FARS2: variants seen among roughly 807,000 people sequenced by gnomAD.
The protein encoded by FARS2 is phenylalanyl-tRNA synthetase 2, mitochondrial.
In FARS2, 40 loss-of-function variants were observed where a neutral mutation model predicts 46.4. That is an observed-to-expected ratio of 0.86 (90% CI 0.67 to 1.12). FARS2 has a LOEUF of 1.12. Ranked by LOEUF, FARS2 falls within the 50% of genes most tolerant of loss-of-function variation. The pLI, the probability that FARS2 is intolerant of heterozygous loss-of-function variation, is 0.00. For missense variants in FARS2, 513 were observed against 567.9 expected (o/e 0.90, Z 0.98); for synonymous variants, 234 against 214.9 (o/e 1.09, Z -0.78).
At chr6:5,459,743 G>GC (rs1765130233) in intron 4 of FARS2, among the ~76,000 whole-genome samples, 1 of 152,272 alleles carries the variant, frequency 6.6e-6, no homozygotes, top group Non-Finnish European at 1.5e-5. Flanking sequence ...TTAGTGCCAA[G>GC]CCCCAGCAGT....
At chr6:5,562,853 G>A (rs1364173874) in intron 5 of FARS2, among the ~76,000 whole-genome samples, 1 of 149,678 alleles carries the variant, frequency 6.7e-6, no homozygotes. Flanking sequence ...GCCCAGGCCG[G>A]AGTGCAATGG....
chr6:5,674,193 TAAAA>T (rs71540878), intron 6 of FARS2, among the ~76,000 whole-genome samples: 14 of 76,354 alleles, frequency 1.8e-4, no homozygotes, highest in Non-Finnish European at 2.5e-4. Flanking sequence ...GCATTCTCAT[TAAAA>T]AAAAAAAAAA....
intron 6 of FARS2, among the ~76,000 whole-genome samples, chr6:5,740,514 A>C (rs1169199326): frequency 1.3e-5 from 2 of 150,940 alleles, no homozygotes; most frequent in Non-Finnish European, 3.0e-5. Context: ...TTTTTTTTTC[A>C]AAAAAGCAAA....
intron 6 of FARS2, among the ~76,000 whole-genome samples, chr6:5,621,596 G>C (rs182214223): frequency 6.6e-6 from 1 of 152,242 alleles, no homozygotes; most frequent in East Asian, 1.9e-4. Context: ...CTTCAGTCTG[G>C]GAAAGTTTAC....
intron 1 of FARS2, among the ~76,000 whole-genome samples, chr6:5,327,865 T>C (rs549825967): frequency 1.2e-4 from 18 of 152,320 alleles, no homozygotes; most frequent in African/African-American, 4.3e-4. Context: ...AGCTTAACCC[T>C]CTCTGCCACT....
chr6:5,568,889 C>A (rs1290711455), intron 5 of FARS2, among the ~76,000 whole-genome samples: 1 of 152,114 alleles, frequency 6.6e-6, no homozygotes, highest in Non-Finnish European at 1.5e-5. Flanking sequence ...AACAGAGAGA[C>A]TAGAAGGTAG....
chr6:5,257,954 G>A (rs1314731515), upstream of FARS2, among the ~76,000 whole-genome samples: 2 of 152,210 alleles, frequency 1.3e-5, no homozygotes, highest in Non-Finnish European at 1.5e-5. Flanking sequence ...GGATGGGAGT[G>A]GAAGCTGTGG....
At chr6:5,766,429 A>C (rs1762753657) in intron 6 of FARS2, among the ~76,000 whole-genome samples, 4 of 152,252 alleles carry the variant, frequency 2.6e-5, no homozygotes, top group African/African-American at 9.6e-5. Flanking sequence ...GGCACAGCCC[A>C]CCCCACTCAC....
intron 3 of FARS2, among the ~76,000 whole-genome samples, chr6:5,409,656 A>G (rs1460560815): frequency 1.3e-5 from 2 of 152,226 alleles, no homozygotes; most frequent in South Asian, 2.1e-4. Flanking sequence ...GAATGGAATT[A>G]AAGTTTAAAA....
intron 4 of FARS2, among the ~76,000 whole-genome samples, chr6:5,504,844 C>G (rs1448951910): frequency 6.6e-6 from 1 of 151,728 alleles, no homozygotes; most frequent in Non-Finnish European, 1.5e-5. Context: ...TCTTTTTTGA[C>G]ATAGGGTCTT....
intron 6 of FARS2, among the ~76,000 whole-genome samples, chr6:5,752,881 C>T (rs765559044): frequency 6.6e-6 from 1 of 152,070 alleles, no homozygotes; most frequent in Non-Finnish European, 1.5e-5. Context: ...CAAGACCCCC[C>T]CCAGGTCTCT....
chr6:5,662,817 C>CCA (rs1413543567), intron 6 of FARS2, among the ~76,000 whole-genome samples: 1 of 152,166 alleles, frequency 6.6e-6, no homozygotes, highest in East Asian at 1.9e-4. Context: ...CCGTGTGTGA[C>CCA]CATGGCAGGT....
At chr6:5,320,521 A>C (rs1472823219) in intron 1 of FARS2, among the ~76,000 whole-genome samples, 2 of 152,196 alleles carry the variant, frequency 1.3e-5, no homozygotes, top group African/African-American at 4.8e-5. Flanking sequence ...TCTTTGGACC[A>C]CTTAAGGTGG....
At chr6:5,505,632 G>C (rs1013626463) in intron 4 of FARS2, among the ~76,000 whole-genome samples, 1 of 152,130 alleles carries the variant, frequency 6.6e-6, no homozygotes, top group Non-Finnish European at 1.5e-5. Flanking sequence ...TGATCCCTCC[G>C]TTTGGGGTCC....
chr6:5,388,184 C>T (rs1246965749), intron 2 of FARS2, among the ~76,000 whole-genome samples: 3 of 152,190 alleles, frequency 2.0e-5, no homozygotes, highest in Non-Finnish European at 4.4e-5. Context: ...TAATTTGAAG[C>T]ATCCCCTTTC....
chr6:5,359,852 C>T (rs1184182662), intron 1 of FARS2, among the ~76,000 whole-genome samples: 1 of 152,220 alleles, frequency 6.6e-6, no homozygotes, highest in South Asian at 2.1e-4. Flanking sequence ...TCTCATGTGC[C>T]GGAGCTGCAG....
chr6:5,601,394 G>A (rs1457357144), intron 5 of FARS2, among the ~76,000 whole-genome samples: 1 of 151,772 alleles, frequency 6.6e-6, no homozygotes, highest in Non-Finnish European at 1.5e-5. Context: ...CATGGTGGCG[G>A]GCGCCTGTAA....
intron 1 of FARS2, among the ~76,000 whole-genome samples, chr6:5,339,978 G>C (rs1771439516): frequency 6.6e-6 from 1 of 152,240 alleles, no homozygotes; most frequent in Non-Finnish European, 1.5e-5. Context: ...AGTCAGGATA[G>C]CTGAAGTTTC....
chr6:5,498,460 A>G (rs1767601634), intron 4 of FARS2, among the ~76,000 whole-genome samples: 1 of 152,216 alleles, frequency 6.6e-6, no homozygotes, highest in South Asian at 2.1e-4. Flanking sequence ...ACTTATCATA[A>G]AACGTAAGTG....
Sources: gnomAD v4.1 joint callset for allele counts (sites outside exome capture counted in the v4.1 genomes callset) on GRCh38, gnomAD v4.1.1 for gene constraint, MANE v1.5 for transcripts, NCBI Gene and HGNC (gene_info 2026-07-23, HGNC 2026-07-21) for gene names.